FOXN3: variants seen among roughly 807,000 people sequenced by gnomAD.
FOXN3 encodes forkhead box protein N3.
In FOXN3, 7 loss-of-function variants were observed where a neutral mutation model predicts 38.4. That is an observed-to-expected ratio of 0.18 (90% CI 0.10 to 0.34). FOXN3 has a LOEUF of 0.34. Among genes scored for constraint, FOXN3 ranks in the 10% least tolerant of loss-of-function variants. FOXN3 has a pLI of 1.00. For synonymous variants in FOXN3, 230 were observed against 242.2 expected (o/e 0.95, Z 0.47); for missense variants, 456 against 613.4 (o/e 0.74, Z 2.71).
At chr14:89,497,343 C>A (rs974312637) in intron 1 of FOXN3, among the ~76,000 whole-genome samples, 1 of 151,266 alleles carries the variant, frequency 6.6e-6, no homozygotes, top group Non-Finnish European at 1.5e-5. Flanking sequence ...CAGACACTTG[C>A]GTTGCTTCCA....
intron 2 of FOXN3, chr14:89,401,646 G>A: frequency 2.2e-6 from 1 of 455,972 alleles, no homozygotes; most frequent in Non-Finnish European, 4.4e-6. Context: ...GCCACGATTA[G>A]AGTCAGCGCT....
Position 89,511,275 on chromosome 14 carries a change from CTTTCT to C in FOXN3, c.-14-98790_-14-98786del, listed in dbSNP as rs1894084819. On this transcript the variant is annotated intron_variant, in intron 1 of 6. Transcript: ENST00000345097. ...TCTTTCTTTCTTTCTTTCTTTCTTT[CTTTCT>C]TTCTTTCTTTCTTTCTTTCTTTCTT... is the stretch of plus-strand genomic sequence containing the variant. 4.7e-5 allele frequency among the ~76,000 whole-genome samples: 3 copies of C among 63,698 alleles called. 1 individual carries two copies. Among genetic ancestry groups the C allele is most frequent in the Admixed American group, 2.2e-4 (1 of 4,594 alleles). The allele number at this position is 63,698 out of a possible 152,430, so 41.8% of individuals were successfully genotyped here. A position where few individuals can be genotyped will look rare whatever the true frequency, so the allele number is the denominator to read the frequency against.
chr14:89,259,288 T>C (rs1268459462), intron 4 of FOXN3, among the ~76,000 whole-genome samples: 2 of 152,188 alleles, frequency 1.3e-5, no homozygotes, highest in Non-Finnish European at 2.9e-5. Context: ...AGGACAAGCA[T>C]CTCTCAGGTT....
At chr14:89,575,319 C>T (rs1895586517) in intron 1 of FOXN3, among the ~76,000 whole-genome samples, 1 of 152,078 alleles carries the variant, frequency 6.6e-6, no homozygotes, top group East Asian at 1.9e-4. Context: ...AAGCACTTGA[C>T]CCTTGAGATT....
At chr14:89,465,771 T>C (rs954187764) in intron 1 of FOXN3, among the ~76,000 whole-genome samples, 4 of 152,232 alleles carry the variant, frequency 2.6e-5, no homozygotes, top group East Asian at 1.9e-4. Context: ...TTCTTAATCA[T>C]TGACTGAGGG....
At chr14:89,409,895 A>C (rs9323840) in intron 2 of FOXN3, among the ~76,000 whole-genome samples, 1 of 152,184 alleles carries the variant, frequency 6.6e-6, no homozygotes, top group Non-Finnish European at 1.5e-5. Context: ...TTCATGGTCA[A>C]GGAAATTCCT....
intron 3 of FOXN3, among the ~76,000 whole-genome samples, chr14:89,315,294 T>C (rs191822490): frequency 6.6e-5 from 10 of 152,236 alleles, no homozygotes; most frequent in East Asian, 1.9e-4. Context: ...CACAGCAATA[T>C]CTTGATGAGA....
intron 1 of FOXN3, among the ~76,000 whole-genome samples, chr14:89,609,563 CT>C (rs1896349755): frequency 6.6e-6 from 1 of 152,136 alleles, no homozygotes; most frequent in Non-Finnish European, 1.5e-5. Context: ...CCCAATAATC[CT>C]TTCAGGATTT....
chr14:89,194,566 C>T (rs1888047468), intron 4 of FOXN3, among the ~76,000 whole-genome samples: 1 of 152,078 alleles, frequency 6.6e-6, no homozygotes, highest in Non-Finnish European at 1.5e-5. Context: ...CACCCTGACA[C>T]CCTGTGAGTG....
At chr14:89,574,429 C>T (rs1049509620) in intron 1 of FOXN3, among the ~76,000 whole-genome samples, 6 of 152,060 alleles carry the variant, frequency 3.9e-5, no homozygotes, top group Non-Finnish European at 8.8e-5. Context: ...GGCAGGGATA[C>T]GCTTGGTGGC....
intron 2 of FOXN3, chr14:89,409,156 C>CA (rs1470455461): frequency 6.6e-6 from 1 of 152,260 alleles, no homozygotes; most frequent in Non-Finnish European, 1.5e-5. Context: ...CTCCCAACCA[C>CA]AAAACTGACT....
chr14:89,195,733 G>A (rs1167541252), intron 4 of FOXN3, among the ~76,000 whole-genome samples: 1 of 152,196 alleles, frequency 6.6e-6, no homozygotes, highest in Non-Finnish European at 1.5e-5. Context: ...CACTTGGCAG[G>A]AGTGCTTCAC....
intron 1 of FOXN3, among the ~76,000 whole-genome samples, chr14:89,454,813 G>A (rs938302909): frequency 6.6e-6 from 1 of 152,074 alleles, no homozygotes; most frequent in African/African-American, 2.4e-5. Flanking sequence ...TAATCAGAAG[G>A]AAAAAATGAA....
intron 3 of FOXN3, among the ~76,000 whole-genome samples, chr14:89,321,245 T>C (rs1398997906): frequency 6.6e-6 from 1 of 151,694 alleles, no homozygotes; most frequent in Admixed American, 6.6e-5. Flanking sequence ...GAGCAGAGAT[T>C]GCGTTACTGC....
intron 1 of FOXN3, among the ~76,000 whole-genome samples, chr14:89,495,556 G>C (rs967830622): frequency 3.3e-5 from 5 of 152,032 alleles, no homozygotes; most frequent in African/African-American, 1.2e-4. Context: ...GTATTAGCAG[G>C]GCAGGTAAGG....
chr14:89,216,864 A>T (rs1884300524), intron 4 of FOXN3, among the ~76,000 whole-genome samples: 1 of 152,102 alleles, frequency 6.6e-6, no homozygotes, highest in South Asian at 2.1e-4. Context: ...TGTCATCAAA[A>T]CCTTCCACAG....
intron 4 of FOXN3, among the ~76,000 whole-genome samples, chr14:89,197,484 C>T (rs1239547777): frequency 7.5e-5 from 11 of 147,442 alleles, no homozygotes; most frequent in East Asian, 5.9e-4. Flanking sequence ...CCAGCCTGGG[C>T]GACAGAGCAA....
intron 4 of FOXN3, among the ~76,000 whole-genome samples, chr14:89,245,435 C>A (rs1261516410): frequency 6.6e-6 from 1 of 151,162 alleles, no homozygotes; most frequent in Admixed American, 6.6e-5. Flanking sequence ...GTTCTCATTT[C>A]AAAATTCCTT....
intron 4 of FOXN3, among the ~76,000 whole-genome samples, chr14:89,220,462 C>T (rs1884428640): frequency 6.6e-6 from 1 of 152,190 alleles, no homozygotes; most frequent in Non-Finnish European, 1.5e-5. Context: ...ACTAAAGCAT[C>T]ACCATTTTCA....
Sources: allele counts gnomAD v4.1 joint callset (sites outside exome capture counted in the v4.1 genomes callset), GRCh38; gene constraint gnomAD v4.1.1; transcripts MANE v1.5; gene names NCBI Gene and HGNC (gene_info 2026-07-23, HGNC 2026-07-21).